The following XYLT1 variants were observed in gnomAD, a reference collection of about 807,000 sequenced individuals.
XYLT1 encodes xylosyltransferase 1.
XYLT1 carries 36 observed loss-of-function variants against 91.3 expected under a neutral mutation model. The observed-to-expected ratio is 0.39, with a 90% confidence interval of 0.30 to 0.52. XYLT1 has a LOEUF of 0.52. XYLT1 is among the 20% of genes least tolerant of loss of function. The pLI, the probability that XYLT1 is intolerant of heterozygous loss-of-function variation, is 0.68. For missense variants in XYLT1, 1,242 were observed against 1,284.5 expected, an observed-to-expected ratio of 0.97 and a Z score of 0.51; for synonymous variants, 588 against 532.0, an observed-to-expected ratio of 1.11 and a Z score of -1.45.
intron 3 of XYLT1, among the ~76,000 whole-genome samples, chr16:17,252,229 A>C (rs2033552716): frequency 6.6e-6 from 1 of 152,170 alleles, no homozygotes. Context: ...TCAGCCAACC[A>C]CGCTATAAAG....
intron 3 of XYLT1, chr16:17,227,764 G>A (rs890696716): frequency 6.6e-6 from 1 of 152,348 alleles, no homozygotes; most frequent in African/African-American, 2.4e-5. Flanking sequence ...GAAAGAGTTG[G>A]GAAGTGACTG....
At chr16:17,458,881 T>C (rs2036779059) in intron 1 of XYLT1, among the ~76,000 whole-genome samples, 1 of 152,148 alleles carries the variant, frequency 6.6e-6, no homozygotes, top group Non-Finnish European at 1.5e-5. Flanking sequence ...TAAAGAAATA[T>C]ACAGCGATTA....
rs754375181 is a variant in XYLT1 at position 17,440,463 on chromosome 16, T to C, written c.363+29971A>G. Among the ~76,000 whole-genome samples the C allele has an allele frequency of 1.1e-3, 162 of 152,286 alleles. 1 individual carries two copies. Among genetic ancestry groups the C allele is most frequent in the East Asian group, 9.7e-4 (5 of 5,178 alleles). ...TTACAGTCAGCACAACTGCATTCAA[T>C]GTCAGCCATTTCTATCAGCTCTTTC... On this transcript the variant is annotated intron_variant, in intron 1 of 11. Coordinates refer to ENST00000261381, the MANE Select transcript of XYLT1 (RefSeq NM_022166.4).
rs560829950 is a variant in XYLT1, at chr16:17,115,658, T to C, written c.2557+1988A>G. Among the ~76,000 whole-genome samples the C allele has an allele frequency of 1.6e-4, 25 of 151,732 alleles. 1 individual carries two copies. The South Asian group carries it at 4.8e-3, about 29-fold the overall frequency. ...CACACTCGGCTAATTTTTGTATTTT[T>C]AGTAGATGGGGTTTCACCATGTTGG... On this transcript the variant is annotated intron_variant, in intron 11 of 11. Transcript: ENST00000261381.
At chr16:17,171,589 C>T (rs572392314) in intron 5 of XYLT1, among the ~76,000 whole-genome samples, 146 of 152,316 alleles carry the variant, frequency 9.6e-4, no homozygotes, top group African/African-American at 3.3e-3. Context: ...GATTTTTAAA[C>T]GGATTTTTTC....
chr16:17,374,124 T>C (rs529136743), intron 1 of XYLT1, among the ~76,000 whole-genome samples: 3 of 152,224 alleles, frequency 2.0e-5, no homozygotes, highest in South Asian at 4.1e-4. Flanking sequence ...TTGTCCAAGG[T>C]AGAGGAGAGG....
intron 5 of XYLT1, among the ~76,000 whole-genome samples, chr16:17,172,472 T>TC (rs1183502045): frequency 6.9e-5 from 10 of 145,022 alleles, no homozygotes; most frequent in Non-Finnish European, 1.1e-4. Flanking sequence ...ATTTCTTTTT[T>TC]TTTTTTTTTT....
At chr16:17,424,114 G>A (rs999529417) in intron 1 of XYLT1, among the ~76,000 whole-genome samples, 5 of 152,096 alleles carry the variant, frequency 3.3e-5, no homozygotes, top group African/African-American at 1.2e-4. Context: ...GGAGACACTC[G>A]GTCATCATCC....
chr16:17,292,679 A>G (rs1428997156), intron 2 of XYLT1, among the ~76,000 whole-genome samples: 3 of 152,236 alleles, frequency 2.0e-5, no homozygotes, highest in Non-Finnish European at 4.4e-5. Flanking sequence ...AGCAATGGGA[A>G]ATGAAGCAGA....
At position 17,103,201 on chromosome 16, in the gene XYLT1, A is replaced by G. The variant is rs1369827875; in HGVS notation, c.*5494T>C. 1.3e-5 allele frequency: 2 copies of G among 152,610 alleles called. No individual in the cohort carries two copies. The highest frequency in any genetic ancestry group is 1.9e-4 in the East Asian group (1 of 5,188). 9.5% of individuals were successfully genotyped at this position (152,610 alleles called of 1,614,324 possible). On this transcript the variant is annotated 3_prime_UTR_variant, in exon 12 of 12. Coordinates refer to ENST00000261381, the MANE Select transcript of XYLT1 (RefSeq NM_022166.4). Reference sequence around the variant, plus strand: ...ATAAATGGAGAACGTCTCCTGATTTACCCTTGAATGAAGTACATATAAAGT... The same window carrying G: ...ATAAATGGAGAACGTCTCCTGATTTGCCCTTGAATGAAGTACATATAAAGT...
chr16:17,285,520 T>C (rs1164818341), intron 2 of XYLT1, among the ~76,000 whole-genome samples: 1 of 152,212 alleles, frequency 6.6e-6, no homozygotes, highest in Non-Finnish European at 1.5e-5. Context: ...CCAAAGGTTG[T>C]GGGACAATGG....
At chr16:17,115,962 A>G (rs999248985) in intron 11 of XYLT1, among the ~76,000 whole-genome samples, 6 of 145,706 alleles carry the variant, frequency 4.1e-5, no homozygotes, top group Admixed American at 7.1e-5. Context: ...GTAGCTTTAT[A>G]TATACTGACT....
At position 17,187,371 on chromosome 16, in the gene XYLT1, G is replaced by C. The variant is rs145682889; in HGVS notation, c.1289+10841C>G. Among the ~76,000 whole-genome samples, 1,107 of 138,282 alleles carry C rather than the reference G, an allele frequency of 8.0e-3. 19 individuals are homozygous for C. The highest frequency in any genetic ancestry group is 0.028 in the African/African-American group (1,042 of 36,614). The allele number at this position is 138,282 out of a possible 152,430, so 90.7% of individuals were successfully genotyped here. On this transcript the variant is annotated intron_variant, in intron 5 of 11. Transcript: ENST00000261381. ...ATCACGCCATTGCACTCCAGCCTGGGTGACAGAGCAAGACTCAGTTTCAAA... is the reference window on the plus strand; with the variant it reads ...ATCACGCCATTGCACTCCAGCCTGGCTGACAGAGCAAGACTCAGTTTCAAA...
At chr16:17,294,381 A>G (rs568323663) in intron 2 of XYLT1, among the ~76,000 whole-genome samples, 1 of 152,296 alleles carries the variant, frequency 6.6e-6, no homozygotes, top group South Asian at 2.1e-4. Context: ...GTCAGAGGGC[A>G]TGTTACTGCT....
intron 5 of XYLT1, among the ~76,000 whole-genome samples, chr16:17,195,111 C>T (rs936926580): frequency 6.6e-6 from 1 of 152,196 alleles, no homozygotes; most frequent in Non-Finnish European, 1.5e-5. Flanking sequence ...TCCCAGAGGT[C>T]ACGAGTCAAT....
chr16:17,158,863 T>A lies in XYLT1; in HGVS notation c.1336A>T (p.Asn446Tyr), dbSNP rs2031479874. The A allele has an allele frequency of 6.2e-7, 1 of 1,614,112 alleles. No homozygotes were observed. The highest frequency in any genetic ancestry group is 8.5e-7 in the Non-Finnish European group (1 of 1,180,016). ...VAFLSRYRDM[N>Y]FLKSHGRDNA... is the part of the protein sequence containing the mutation. ...TCCCGGCCGTGTGACTTCAAGAAATTCATATCTCGGTATCGGGAGAGAAAC... is the reference window on the plus strand; with the variant it reads ...TCCCGGCCGTGTGACTTCAAGAAATACATATCTCGGTATCGGGAGAGAAAC... The change falls in exon 6 of 12, where the codon AAT becomes TAT. Residue 446 changes from asparagine (N) to tyrosine (Y), a missense_variant. Asn to Tyr is a moderately radical substitution (Grantham distance 143). Transcript: ENST00000261381.
intron 1 of XYLT1, among the ~76,000 whole-genome samples, chr16:17,383,238 G>A (rs9930079): frequency 0.031 from 4,692 of 151,846 alleles, 254 homozygotes; most frequent in African/African-American, 0.11. Flanking sequence ...CATTTTGCAC[G>A]GCCCATTCTC....
intron 5 of XYLT1, among the ~76,000 whole-genome samples, chr16:17,160,116 G>A (rs2031512000): frequency 6.6e-6 from 1 of 152,172 alleles, no homozygotes; most frequent in African/African-American, 2.4e-5. Context: ...GAAAGATCTG[G>A]GGACAGATCC....
chr16:17,146,455 G>T (rs2141526931), intron 6 of XYLT1, among the ~76,000 whole-genome samples: 1 of 152,182 alleles, frequency 6.6e-6, no homozygotes, highest in East Asian at 1.9e-4. Context: ...ATACAAAGTT[G>T]GTCTAGATAT....
Sources: allele counts gnomAD v4.1 joint callset (sites outside exome capture counted in the v4.1 genomes callset), GRCh38; gene constraint gnomAD v4.1.1; transcripts MANE v1.5; gene names NCBI Gene and HGNC (gene_info 2026-07-23, HGNC 2026-07-21).